Variants in TCF12 observed in about 807,000 individuals in gnomAD.
TCF12 encodes DNA-binding protein HTF4.
In TCF12, 45 loss-of-function variants were observed where a neutral mutation model predicts 86.0. The ratio of observed to expected loss-of-function variants is 0.52; its 90% confidence interval spans 0.41 to 0.67. The LOEUF is 0.67. Ranked by LOEUF, TCF12 falls within the 30% of genes least tolerant of loss-of-function variation. The pLI is 0.00. For synonymous variants in TCF12, 330 were observed against 299.6 expected (o/e 1.10, Z -1.05); for missense variants, 881 against 859.9 (o/e 1.02, Z -0.31).
At chr15:57,095,836 T>G (rs1375439636) in intron 5 of TCF12, among the ~76,000 whole-genome samples, 1 of 152,140 alleles carries the variant, frequency 6.6e-6, no homozygotes, top group Non-Finnish European at 1.5e-5. Context: ...ATTTTACAAT[T>G]CCATAATCTC....
At chr15:57,200,630 C>T (rs192907290) in intron 8 of TCF12, among the ~76,000 whole-genome samples, 3 of 152,244 alleles carry the variant, frequency 2.0e-5, no homozygotes, top group East Asian at 1.9e-4. Flanking sequence ...GACTAAGTAT[C>T]GCTGATACTG....
chr15:57,191,593 C>G (rs1386603272), intron 6 of TCF12, among the ~76,000 whole-genome samples: 1 of 152,166 alleles, frequency 6.6e-6, no homozygotes, highest in Non-Finnish European at 1.5e-5. Flanking sequence ...CACACAGCCA[C>G]TAAAGTGTCT....
intron 12 of TCF12, among the ~76,000 whole-genome samples, chr15:57,237,146 AGAGT>A (rs1214419849): frequency 1.5e-4 from 22 of 150,356 alleles, no homozygotes; most frequent in South Asian, 4.3e-4. Context: ...AGAGAGAGAG[AGAGT>A]GTGTGTGTGT....
rs144749756 is a variant in TCF12, at chr15:57,250,526, C to T, written c.1115-824C>T. Among the ~76,000 whole-genome samples the T allele has an allele frequency of 3.4e-3, 516 of 152,120 alleles. 3 individuals are homozygous for T. Among genetic ancestry groups the T allele is most frequent in the Non-Finnish European group, 5.6e-3 (382 of 67,988 alleles). On this transcript the variant is annotated intron_variant, in intron 13 of 20. Coordinates refer to ENST00000333725, the MANE Select transcript of TCF12 (RefSeq NM_207037.2). ...GGTGGATCACTTAAGGTCAGGAGTT[C>T]GAGACCAGCCTGGCCAACGTAGTGA...
chr15:57,206,041 A>G (rs2057793335), intron 8 of TCF12, among the ~76,000 whole-genome samples: 1 of 140,492 alleles, frequency 7.1e-6, no homozygotes, highest in African/African-American at 2.5e-5. Context: ...GGCTGCTGGT[A>G]AGATCTTAGA....
intron 5 of TCF12, among the ~76,000 whole-genome samples, chr15:57,148,390 G>T (rs935085099): frequency 1.5e-4 from 22 of 145,600 alleles, no homozygotes; most frequent in Non-Finnish European, 3.2e-4. Flanking sequence ...TCCAGCCTGG[G>T]CAGCAGAGGA....
At chr15:57,049,094 G>A (rs73413333) in intron 3 of TCF12, among the ~76,000 whole-genome samples, 7,184 of 152,138 alleles carry the variant, frequency 0.047, 343 homozygotes, top group African/African-American at 0.13. Context: ...TCTGGGGGCC[G>A]TGGGATGGAG....
chr15:57,021,406 A>G (rs1218528087), intron 3 of TCF12, among the ~76,000 whole-genome samples: 1 of 152,200 alleles, frequency 6.6e-6, no homozygotes. Flanking sequence ...TAATCCCAGC[A>G]CTTTGGGAGG....
At position 57,027,250 on chromosome 15, in the gene TCF12, C is replaced by T. The variant is rs531653748; in HGVS notation, c.149-36500C>T. 5.5e-4 allele frequency among the ~76,000 whole-genome samples: 84 copies of T among 152,252 alleles called. No individual in the cohort carries two copies. In the Middle Eastern group the frequency reaches 0.01, roughly 18 times the overall value. ...TTTCTTCAACACCTATGTCTTGGAACGGGTCATCAGATTTCTGTCACTGTA... is the reference window on the plus strand; with the variant it reads ...TTTCTTCAACACCTATGTCTTGGAATGGGTCATCAGATTTCTGTCACTGTA... On this transcript the variant is annotated intron_variant, in intron 3 of 20. Transcript: ENST00000333725.
At chr15:57,088,946 A>G (rs2151100959) in intron 4 of TCF12, among the ~76,000 whole-genome samples, 1 of 152,284 alleles carries the variant, frequency 6.6e-6, no homozygotes, top group African/African-American at 2.4e-5. Flanking sequence ...TTATTTCATA[A>G]CTATTCATCT....
intron 5 of TCF12, among the ~76,000 whole-genome samples, chr15:57,099,934 A>G (rs1402285312): frequency 6.6e-6 from 1 of 151,958 alleles, no homozygotes; most frequent in East Asian, 1.9e-4. Flanking sequence ...TGGCTTAACT[A>G]TGCATCCTTG....
intron 5 of TCF12, among the ~76,000 whole-genome samples, chr15:57,144,122 A>G (rs2053192071): frequency 6.6e-6 from 1 of 152,204 alleles, no homozygotes; most frequent in Admixed American, 6.5e-5. Flanking sequence ...AGTGGAGTGT[A>G]ATGAAGATGA....
intron 4 of TCF12, among the ~76,000 whole-genome samples, chr15:57,091,039 A>G (rs1368786170): frequency 1.3e-5 from 2 of 152,202 alleles, no homozygotes; most frequent in African/African-American, 4.8e-5. Context: ...AAATGTAATA[A>G]CAGCTACTGT....
intron 3 of TCF12, among the ~76,000 whole-genome samples, chr15:56,982,166 A>T (rs1462432941): frequency 6.6e-6 from 1 of 152,156 alleles, no homozygotes; most frequent in Non-Finnish European, 1.5e-5. Context: ...TAGGCTTTAG[A>T]GATAATAGTG....
intron 5 of TCF12, among the ~76,000 whole-genome samples, chr15:57,134,766 TC>T (rs1299064890): frequency 6.6e-6 from 1 of 152,188 alleles, no homozygotes; most frequent in Non-Finnish European, 1.5e-5. Context: ...ATTTTTTTTT[TC>T]CTCTCTCTTA....
intron 3 of TCF12, among the ~76,000 whole-genome samples, chr15:56,977,545 C>CTGTGTGTG (rs762522296): frequency 1.3e-5 from 2 of 148,154 alleles, no homozygotes; most frequent in African/African-American, 2.5e-5. Flanking sequence ...ATTCGATATT[C>CTGTGTGTG]TGTGTGTGTG....
At chr15:56,986,888 G>A (rs2063204727) in intron 3 of TCF12, among the ~76,000 whole-genome samples, 1 of 152,048 alleles carries the variant, frequency 6.6e-6, no homozygotes, top group Non-Finnish European at 1.5e-5. Flanking sequence ...TACTTGTTTG[G>A]GATGAAACAA....
intron 3 of TCF12, among the ~76,000 whole-genome samples, chr15:56,968,639 C>G (rs2062127922): frequency 6.6e-6 from 1 of 152,168 alleles, no homozygotes; most frequent in Non-Finnish European, 1.5e-5. Context: ...AGTGAAATGA[C>G]AAGACTAAGA....
intron 4 of TCF12, among the ~76,000 whole-genome samples, chr15:57,080,302 G>A (rs1476704915): frequency 6.6e-6 from 1 of 152,198 alleles, no homozygotes; most frequent in East Asian, 1.9e-4. Flanking sequence ...CAGCTGCTGA[G>A]CACTCTGCAA....
Sources: allele counts gnomAD v4.1 joint callset (sites outside exome capture counted in the v4.1 genomes callset), GRCh38; gene constraint gnomAD v4.1.1; transcripts MANE v1.5; gene names NCBI Gene and HGNC (gene_info 2026-07-23, HGNC 2026-07-21).